Variants in PTPN13 observed in about 807,000 individuals in gnomAD.
PTPN13 encodes the protein protein tyrosine phosphatase non-receptor type 13.
In PTPN13, 191 loss-of-function variants were observed where a neutral mutation model predicts 284.0. The observed-to-expected ratio is 0.67, with a 90% CI of 0.60 to 0.76. The LOEUF (loss-of-function observed/expected upper bound fraction) is 0.76, where lower values mean the gene tolerates loss of function less well. PTPN13 is among the 30% of genes least tolerant of loss of function. The pLI, the probability that PTPN13 is intolerant of heterozygous loss-of-function variation, is 0.00. For missense variants in PTPN13, 2,797 were observed against 2,939.9 expected, an observed-to-expected ratio of 0.95 and a Z score of 1.12; for synonymous variants, 986 against 1,022.3, an observed-to-expected ratio of 0.96 and a Z score of 0.68.
intron 10 of PTPN13, among the ~76,000 whole-genome samples, chr4:86,724,713 AT>A (rs531821398): frequency 1.3e-5 from 2 of 151,114 alleles, no homozygotes; most frequent in Middle Eastern, 3.4e-3. Context: ...AATGTTTAGG[AT>A]TTTTTTTTCT....
rs552250020 is a variant in PTPN13 at position 86,786,535 on chromosome 4, T to C, written c.6345+599T>C. On this transcript the variant is annotated intron_variant, in intron 40 of 47. Coordinates refer to ENST00000411767, the MANE Select transcript of PTPN13 (RefSeq NM_080683.3). ...CAAGGAAGCTTACGGCTGATAAGTATGTATTTCTCAAGCTACAAGAATAAT... is the reference window on the plus strand; with the variant it reads ...CAAGGAAGCTTACGGCTGATAAGTACGTATTTCTCAAGCTACAAGAATAAT... Among the ~76,000 whole-genome samples, 281 of 152,300 alleles carry C rather than the reference T, an allele frequency of 1.8e-3. 2 individuals are homozygous for C. Among genetic ancestry groups the C allele is most frequent in the African/African-American group, 6.3e-3 (260 of 41,570 alleles).
At chr4:86,668,886 C>T (rs1727403287) in intron 2 of PTPN13, among the ~76,000 whole-genome samples, 1 of 151,258 alleles carries the variant, frequency 6.6e-6, no homozygotes. Context: ...GGATTACAGG[C>T]ATGAGCCACT....
At chr4:86,723,500 G>A (rs541865889) in intron 10 of PTPN13, among the ~76,000 whole-genome samples, 17 of 152,176 alleles carry the variant, frequency 1.1e-4, no homozygotes, top group African/African-American at 2.7e-4. Context: ...TTTCTTCCAC[G>A]GAACCTGTCC....
chr4:86,763,469 T>C (rs1288005898), intron 24 of PTPN13, among the ~76,000 whole-genome samples: 1 of 152,252 alleles, frequency 6.6e-6, no homozygotes, highest in Admixed American at 6.5e-5. Context: ...TGTTTGTCTC[T>C]GGCATATTTA....
intron 1 of PTPN13, among the ~76,000 whole-genome samples, chr4:86,617,720 A>G (rs1418098887): frequency 2.0e-5 from 3 of 152,158 alleles, no homozygotes; most frequent in Non-Finnish European, 4.4e-5. Context: ...TTGGCTGCAT[A>G]CATGTCTTCT....
chr4:86,787,481 ACT>A (rs1204429085), intron 40 of PTPN13, among the ~76,000 whole-genome samples: 2 of 150,500 alleles, frequency 1.3e-5, no homozygotes, highest in East Asian at 4.0e-4. Context: ...AATCCCAGCT[ACT>A]CGGGAGGCTG....
At chr4:86,794,275 CAT>C (rs1240894903) in intron 40 of PTPN13, among the ~76,000 whole-genome samples, 10 of 152,196 alleles carry the variant, frequency 6.6e-5, no homozygotes, top group East Asian at 1.9e-4. Flanking sequence ...AGAGCCAAAT[CAT>C]GTGTGAACTC....
At chr4:86,659,591 G>A (rs1222989610) in intron 2 of PTPN13, among the ~76,000 whole-genome samples, 2 of 152,132 alleles carry the variant, frequency 1.3e-5, no homozygotes, top group African/African-American at 2.4e-5. Context: ...CAAGGTGGAC[G>A]GATCACTTGA....
intron 35 of PTPN13, 123 bp downstream of exon 35, chr4:86,775,775 TTAA>T: frequency 1.2e-6 from 1 of 803,812 alleles, no homozygotes; most frequent in Admixed American, 2.8e-5. Flanking sequence ...TTGGCAGGAC[TTAA>T]TAAATTTAAA....
intron 7 of PTPN13, among the ~76,000 whole-genome samples, chr4:86,705,259 A>G (rs1034357162): frequency 2.0e-5 from 3 of 150,406 alleles, no homozygotes; most frequent in East Asian, 2.0e-4. Context: ...ACTTGAACCT[A>G]TGAGGCAGAG....
chr4:86,763,288 A>G (rs1738918527), intron 24 of PTPN13, 98 bp downstream of exon 24: 1 of 1,054,146 alleles, frequency 9.5e-7, no homozygotes, highest in Non-Finnish European at 1.4e-6. Context: ...TGCTTTCATT[A>G]TTCTGGAAAA....
intron 41 of PTPN13, among the ~76,000 whole-genome samples, chr4:86,798,541 A>T (rs1385647444): frequency 6.6e-6 from 1 of 152,080 alleles, no homozygotes. Context: ...CCGTTCTCCT[A>T]CCTAGTTTCT....
At chr4:86,614,284 T>G (rs1720288035) in intron 1 of PTPN13, among the ~76,000 whole-genome samples, 1 of 152,122 alleles carries the variant, frequency 6.6e-6, no homozygotes, top group African/African-American at 2.4e-5. Flanking sequence ...TCTAAATTAC[T>G]CTGTTTGATT....
intron 2 of PTPN13, 131 bp downstream of exon 2, chr4:86,635,502 T>C (rs1215577466): frequency 1.5e-6 from 2 of 1,334,378 alleles, no homozygotes; most frequent in Non-Finnish European, 2.0e-6. Context: ...AAAGGAATAC[T>C]TTCCTTATCT....
At chr4:86,663,893 A>C (rs191057911) in intron 2 of PTPN13, among the ~76,000 whole-genome samples, 5 of 152,334 alleles carry the variant, frequency 3.3e-5, no homozygotes, top group Admixed American at 3.3e-4. Context: ...AACAAAAAGC[A>C]TCAGGAAAGG....
chr4:86,663,335 T>C (rs1430584548), intron 2 of PTPN13, among the ~76,000 whole-genome samples: 4 of 152,308 alleles, frequency 2.6e-5, no homozygotes, highest in Non-Finnish European at 5.9e-5. Flanking sequence ...CACTGTTTGA[T>C]GGAGAAGTGG....
chr4:86,689,897 C>G, intron 5 of PTPN13: 1 of 578,262 alleles, frequency 1.7e-6, no homozygotes, highest in African/African-American at 1.9e-5. Context: ...GGGTTGTAGT[C>G]CTGGAGTGTT....
chr4:86,638,376 T>G (rs1352673193), intron 2 of PTPN13, among the ~76,000 whole-genome samples: 1 of 152,086 alleles, frequency 6.6e-6, no homozygotes, highest in African/African-American at 2.4e-5. Flanking sequence ...GCCAAGTCAG[T>G]CCTAAACCAA....
At chr4:86,796,560 T>C (rs2149352843) in intron 40 of PTPN13, among the ~76,000 whole-genome samples, 1 of 152,240 alleles carries the variant, frequency 6.6e-6, no homozygotes. Flanking sequence ...GAGGATTGCT[T>C]GAGCCCAAGA....
Sources: gnomAD v4.1 joint callset for allele counts (sites outside exome capture counted in the v4.1 genomes callset) on GRCh38, gnomAD v4.1.1 for gene constraint, MANE v1.5 for transcripts, NCBI Gene and HGNC (gene_info 2026-07-23, HGNC 2026-07-21) for gene names.